The following PLXND1 variants were observed in gnomAD, a reference collection of about 807,000 sequenced individuals.
PLXND1 encodes plexin-D1.
A neutral mutation model predicts 197.7 loss-of-function variants in PLXND1; 54 were observed. The observed-to-expected ratio is 0.27, with a 90% CI of 0.22 to 0.34. The LOEUF (loss-of-function observed/expected upper bound fraction) is 0.34, where lower values mean the gene tolerates loss of function less well. Among genes scored for constraint, PLXND1 ranks in the 10% least tolerant of loss-of-function variants. The pLI, the probability that PLXND1 is intolerant of heterozygous loss-of-function variation, is 1.00. For missense variants in PLXND1, 2,127 were observed against 2,699.2 expected (o/e 0.79, Z 4.70); for synonymous variants, 1,180 against 1,161.2 (o/e 1.02, Z -0.33).
intron 15 of PLXND1, 88 bp from the exon 16 acceptor site, chr3:129,571,932 G>C (rs763354713): frequency 3.8e-6 from 5 of 1,314,062 alleles, no homozygotes; most frequent in Non-Finnish European, 5.2e-6. Context: ...ACAAGTCCAC[G>C]CACTTGGCCT....
intron 25 of PLXND1, among the ~76,000 whole-genome samples, chr3:129,563,978 G>T (rs965957822): frequency 3.3e-5 from 5 of 152,276 alleles, no homozygotes; most frequent in Admixed American, 6.5e-5. Context: ...GGTCTGGGGC[G>T]TGGGAGGCAC....
chr3:129,595,345 C>T lies in PLXND1; in HGVS notation c.1312-5818G>A, dbSNP rs533981103. Reference sequence around the variant, plus strand: ...GTGCCAGCCCTGGGAGGGGGCAGGACGGACTCGGTCCTGGGTGGCCTCTGG... The same window carrying T: ...GTGCCAGCCCTGGGAGGGGGCAGGATGGACTCGGTCCTGGGTGGCCTCTGG... On this transcript the variant is annotated intron_variant, in intron 1 of 35. Transcript: ENST00000324093. 2.3e-4 allele frequency among the ~76,000 whole-genome samples: 35 copies of T among 152,342 alleles called. No homozygotes were observed. The South Asian group carries it at 3.7e-3, about 16-fold the overall frequency.
chr3:129,586,255 G>A lies in PLXND1; in HGVS notation c.1638C>T (p.Val546=), dbSNP rs530206071. The A allele has an allele frequency of 3.8e-6, 6 of 1,583,076 alleles. No individual in the cohort carries two copies. Among genetic ancestry groups the A allele is most frequent in the Middle Eastern group, 2.0e-4 (1 of 5,068 alleles). Residue 546 remains valine, a synonymous_variant, in exon 4 of 36, where the codon GTC becomes GTT. Coordinates refer to ENST00000324093, the MANE Select transcript of PLXND1 (RefSeq NM_015103.3). The part of the protein sequence containing the change: ...MTSHQMARVK[V]AACNVHSTCG... The stretch of plus-strand genomic sequence containing the variant: ...AGGTGGAGTGCACGTTGCAGGCGGC[G>A]ACCTTCACCCTGGCCATCTGGGGGC...
Position 129,556,003 on chromosome 3 carries a change from C to CT in PLXND1, c.*308_*309insA. ...TGCACGGGGCTCTTGGCAGCAGGAC[C>CT]AACTGGACGTTGTGGAGCAAGTGGG... is the stretch of plus-strand genomic sequence containing the variant. On this transcript the variant is annotated 3_prime_UTR_variant, in exon 36 of 36. Coordinates refer to ENST00000324093, the MANE Select transcript of PLXND1 (RefSeq NM_015103.3). 5.8e-6 allele frequency: 2 copies of CT among 344,538 alleles called. No homozygotes were observed. Among genetic ancestry groups the CT allele is most frequent in the South Asian group, 7.7e-5 (2 of 25,830 alleles). 21.3% of individuals were successfully genotyped at this position (344,538 alleles called of 1,614,324 possible).
chr3:129,606,509 G>T lies in PLXND1; in HGVS notation c.131C>A (p.Ala44Asp). 2 of 1,395,854 alleles carry T rather than the reference G, an allele frequency of 1.4e-6. No individual in the cohort carries two copies. The allele number at this position is 1,395,854 out of a possible 1,614,324, so 86.5% of individuals were successfully genotyped here. Reference protein sequence around the residue: ...LLLLLLGAARAGALEIQRRFP... With the variant: ...LLLLLLGAARDGALEIQRRFP... The stretch of plus-strand genomic sequence containing the variant: ...CCGACGCTGGATCTCCAGGGCGCCG[G>T]CCCGCGCCGCCCCCAGGAGCAGCAG... Residue 44 changes from alanine (A) to aspartate (D), a missense_variant, in exon 1 of 36, where the codon GCC (alanine) becomes GAC (aspartate). Ala to Asp is a moderately radical substitution (Grantham distance 126, BLOSUM62 -2). Transcript: ENST00000324093.
chr3:129,563,684 C>T (rs923926399), intron 25 of PLXND1, among the ~76,000 whole-genome samples: 1 of 152,168 alleles, frequency 6.6e-6, no homozygotes, highest in South Asian at 2.1e-4. Context: ...ACCCCACTTG[C>T]AGGCTGATGA....
intron 2 of PLXND1, 22 bp from the exon 3 acceptor site, chr3:129,586,741 G>T: frequency 6.3e-7 from 1 of 1,595,964 alleles, no homozygotes; most frequent in East Asian, 2.3e-5. Context: ...GTGGGCATCA[G>T]GGTGCTGGAG....
chr3:129,558,409 G>A lies in PLXND1; in HGVS notation c.5445+19C>T. 2.5e-6 allele frequency: 4 copies of A among 1,611,038 alleles called. No individual in the cohort carries two copies. The highest frequency in any genetic ancestry group is 3.4e-6 in the Non-Finnish European group (4 of 1,178,852). On this transcript the variant is annotated intron_variant, in intron 33 of 35. Transcript: ENST00000324093. This position sits in a 1 kb window ranked among gnomAD's most constrained non-coding sequence, Gnocchi z 4.1. ...CTGGCCCTGTGCATGGGCCTGGCCTGGTCCTGGGAACAGCTGACCTTGCCC... is the reference window on the plus strand; with the variant it reads ...CTGGCCCTGTGCATGGGCCTGGCCTAGTCCTGGGAACAGCTGACCTTGCCC...
At chr3:129,586,966 T>A (rs952685433) in intron 2 of PLXND1, among the ~76,000 whole-genome samples, 1 of 152,206 alleles carries the variant, frequency 6.6e-6, no homozygotes. Flanking sequence ...TGTGAACGTG[T>A]GCAGGCTTTG....
At chr3:129,568,919 GC>G (rs1473196966) in intron 20 of PLXND1, among the ~76,000 whole-genome samples, 3 of 152,110 alleles carry the variant, frequency 2.0e-5, no homozygotes, top group Non-Finnish European at 4.4e-5. Flanking sequence ...CATTTTTGCT[GC>G]CCCAAGAAGA....
At chr3:129,564,260 G>A (rs775917719) in intron 25 of PLXND1, among the ~76,000 whole-genome samples, 1 of 152,252 alleles carries the variant, frequency 6.6e-6, no homozygotes, top group Non-Finnish European at 1.5e-5. Context: ...AGGGGCAGAG[G>A]CCCCATTTGA....
intron 1 of PLXND1, among the ~76,000 whole-genome samples, chr3:129,604,537 G>A (rs1158332742): frequency 1.3e-5 from 2 of 152,216 alleles, no homozygotes; most frequent in African/African-American, 4.8e-5. Flanking sequence ...GACATGTGAT[G>A]CCCCTAGCTG....
intron 5 of PLXND1, 106 bp from the exon 6 acceptor site, chr3:129,584,668 G>T: frequency 9.3e-7 from 1 of 1,077,788 alleles, no homozygotes; most frequent in Non-Finnish European, 1.3e-6. Flanking sequence ...AATGTCCCCT[G>T]GGGGAAGGGG....
At chr3:129,573,572 T>C (rs776693752) in intron 13 of PLXND1, 22 bp downstream of exon 13, 84 of 1,606,198 alleles carry the variant, frequency 5.2e-5, no homozygotes, top group Non-Finnish European at 7.0e-5. Flanking sequence ...AGAAGGTAGG[T>C]GGGGGCACCG....
chr3:129,575,934 C>T, intron 9 of PLXND1, 79 bp from the exon 10 acceptor site: 2 of 812,960 alleles, frequency 2.5e-6, no homozygotes, highest in Non-Finnish European at 4.3e-6. Context: ...CAGCAGGACA[C>T]CACGGGCTCC....
intron 2 of PLXND1, 41 bp downstream of exon 2, chr3:129,589,310 T>TTCCACCCC: frequency 2.0e-6 from 1 of 501,292 alleles, no homozygotes; most frequent in Non-Finnish European, 3.8e-6. Flanking sequence ...CAGGGGAGCC[T>TTCCACCCC]CCCACCCCCA....
At position 129,563,192 on chromosome 3, in the gene PLXND1, G is replaced by C. The variant is rs751491679; in HGVS notation, c.4570C>G (p.Gln1524Glu). 1 of 1,612,532 alleles carries C rather than the reference G, an allele frequency of 6.2e-7. No homozygotes were observed. The highest frequency in any genetic ancestry group is 2.2e-5 in the East Asian group (1 of 44,832). ...FFLLLCAIKQ[Q>E]INKGSIDAIT... The stretch of plus-strand genomic sequence containing the variant: ...GCGTCGATGGAGCCCTTGTTGATTT[G>C]CTGCTTGATGGCACACAGCAGCAGG... The change falls in exon 26 of 36, where the codon CAA becomes GAA. Residue 1524 changes from glutamine to glutamate, a missense_variant. Physicochemically the swap from Gln to Glu is conservative, Grantham distance 29 (BLOSUM62 2). Transcript: ENST00000324093.
At chr3:129,560,529 G>C (rs2108763715) in intron 30 of PLXND1, 95 bp from the exon 31 acceptor site, 1 of 994,334 alleles carries the variant, frequency 1.0e-6, no homozygotes, top group East Asian at 2.4e-5. Context: ...GCACACAAGG[G>C]CTGTGGTTCC....
Position 129,578,439 on chromosome 3 carries a change from G to A in PLXND1, c.2242-6C>T, listed in dbSNP as rs2085344194. 6.4e-7 allele frequency: 1 copy of A among 1,558,684 alleles called. No individual in the cohort carries two copies. Among genetic ancestry groups the A allele is most frequent in the Non-Finnish European group, 8.7e-7 (1 of 1,144,534 alleles). On this transcript the variant is annotated splice_region_variant and splice_polypyrimidine_tract_variant and intron_variant, in intron 8 of 35. Transcript: ENST00000324093. ...CGGGGGCAGTCCTGAGGGCTCTGCA[G>A]AGGAAACAGAAGGAGAGGGTGACAC... is the stretch of plus-strand genomic sequence containing the variant.
Sources: allele counts gnomAD v4.1 joint callset (sites outside exome capture counted in the v4.1 genomes callset), GRCh38; gene constraint gnomAD v4.1.1; non-coding constraint Gnocchi (gnomAD v3.1); transcripts MANE v1.5; gene names NCBI Gene and HGNC (gene_info 2026-07-23, HGNC 2026-07-21).